The following PTPRD variants were observed in gnomAD, a reference collection of about 807,000 sequenced individuals.
PTPRD encodes the protein receptor-type tyrosine-protein phosphatase delta.
A neutral mutation model predicts 214.5 loss-of-function variants in PTPRD; 34 were observed. The observed-to-expected ratio is 0.16, with a 90% CI of 0.12 to 0.21. PTPRD has a LOEUF of 0.21. Ranked by LOEUF, PTPRD falls within the 10% of genes least tolerant of loss-of-function variation. The pLI, the probability that PTPRD is intolerant of heterozygous loss-of-function variation, is 1.00. For synonymous variants in PTPRD, 1,128 were observed against 845.7 expected (o/e 1.33, Z -5.79); for missense variants, 2,545 against 2,398.7 (o/e 1.06, Z -1.27).
chr9:9,842,031 T>C (rs1418987389), intron 5 of PTPRD, among the ~76,000 whole-genome samples: 2 of 152,048 alleles, frequency 1.3e-5, no homozygotes, highest in Non-Finnish European at 2.9e-5. Context: ...ATGTTTAATA[T>C]TGGGAAAAAT....
At chr9:9,738,360 G>A (rs2098337215) in intron 6 of PTPRD, among the ~76,000 whole-genome samples, 1 of 147,506 alleles carries the variant, frequency 6.8e-6, no homozygotes, top group Non-Finnish European at 1.5e-5. Flanking sequence ...TAATAATGTT[G>A]AACATTTTTT....
rs1038939315 is a variant in PTPRD at position 10,541,520 on chromosome 9, G to A, written c.-600+70878C>T. ...AGTTTATGCAGTGAGTGTATTTTCC[G>A]ATTCTTATCTCCTTATATATATTTA... On this transcript the variant is annotated intron_variant, in intron 2 of 45. Transcript: ENST00000381196. Among the ~76,000 whole-genome samples, 4 of 151,612 alleles carry A rather than the reference G, an allele frequency of 2.6e-5. No individual in the cohort carries two copies. In the South Asian group the frequency reaches 6.2e-4, roughly 24 times the overall value.
At chr9:8,888,875 T>A (rs996925133) in intron 11 of PTPRD, among the ~76,000 whole-genome samples, 18 of 152,228 alleles carry the variant, frequency 1.2e-4, no homozygotes, top group African/African-American at 4.3e-4. Context: ...CTTATTAACT[T>A]GAAGGCCCAG....
chr9:10,181,360 C>T (rs1312014548), intron 3 of PTPRD, among the ~76,000 whole-genome samples: 1 of 152,096 alleles, frequency 6.6e-6, no homozygotes, highest in Non-Finnish European at 1.5e-5. Flanking sequence ...TATCAGAAGA[C>T]ATAAAACTAC....
chr9:9,174,985 TA>T lies in PTPRD; in HGVS notation c.-143+8318del, dbSNP rs533011803. Reference sequence around the variant, plus strand: ...CTCAGGAATGGGATTAATATCATTATAAAAGAGTACCCAGAAAACTGATTTC... The same window carrying T: ...CTCAGGAATGGGATTAATATCATTATAAAGAGTACCCAGAAAACTGATTTC... On this transcript the variant is annotated intron_variant, in intron 10 of 45. Transcript: ENST00000381196. Among the ~76,000 whole-genome samples, 139 of 152,180 alleles carry T rather than the reference TA, an allele frequency of 9.1e-4. No homozygotes were observed. The Middle Eastern group carries it at 0.014, about 15-fold the overall frequency.
intron 3 of PTPRD, among the ~76,000 whole-genome samples, chr9:10,135,293 G>C (rs1382558430): frequency 6.6e-6 from 1 of 151,994 alleles, no homozygotes; most frequent in East Asian, 1.9e-4. Context: ...TAAGCAACTT[G>C]GAAACAGTAT....
chr9:9,297,575 A>G (rs1953563557), intron 9 of PTPRD, among the ~76,000 whole-genome samples: 1 of 151,754 alleles, frequency 6.6e-6, no homozygotes, highest in African/African-American at 2.4e-5. Context: ...TAGTTTCCAC[A>G]GAAATATATA....
intron 11 of PTPRD, among the ~76,000 whole-genome samples, chr9:8,934,431 ATATAAATATAT>A (rs2098976503): frequency 2.2e-5 from 1 of 46,300 alleles, no homozygotes; most frequent in Admixed American, 3.1e-4. Context: ...GTATATATAT[ATATAAATATAT>A]ATATAAATTT....
At chr9:9,383,771 T>G (rs1440161509) in intron 9 of PTPRD, among the ~76,000 whole-genome samples, 3 of 152,088 alleles carry the variant, frequency 2.0e-5, no homozygotes, top group African/African-American at 7.2e-5. Flanking sequence ...TATTTCTCCC[T>G]TACGCTAAAA....
chr9:9,637,951 C>T, intron 7 of PTPRD, among the ~76,000 whole-genome samples: 1 of 152,198 alleles, frequency 6.6e-6, no homozygotes, highest in East Asian at 1.9e-4. Flanking sequence ...ATGTGAACAT[C>T]ACCAAGGTTA....
In PTPRD at chr9:8,500,558, G is replaced by GAAAAAAAAAAAA. The variant is rs146807692; in HGVS notation, c.2128+184_2128+195dup. 3.9e-3 allele frequency among the ~76,000 whole-genome samples: 56 copies of GAAAAAAAAAAAA among 14,312 alleles called. 11 individuals are homozygous for GAAAAAAAAAAAA. Among genetic ancestry groups the GAAAAAAAAAAAA allele is most frequent in the Middle Eastern group, 0.25 (2 of 8 alleles). 9.4% of individuals were successfully genotyped at this position (14,312 alleles called of 152,430 possible). On this transcript the variant is annotated intron_variant, in intron 24 of 45. Coordinates refer to ENST00000381196, the MANE Select transcript of PTPRD (RefSeq NM_002839.4). Reference sequence around the variant, plus strand: ...TTACTGCATTGAGATTGAAAAAAATGAAAAAAAAAAAAAAAAAAAAAAAAA... The same window carrying GAAAAAAAAAAAA: ...TTACTGCATTGAGATTGAAAAAAATGAAAAAAAAAAAAAAAAAAAAAAAAAAAAAAAAAAAAA...
intron 10 of PTPRD, among the ~76,000 whole-genome samples, chr9:9,040,182 C>A (rs1342120836): frequency 6.6e-6 from 1 of 152,128 alleles, no homozygotes; most frequent in African/African-American, 2.4e-5. Context: ...TATGCTTTCA[C>A]TGATGTGGAA....
intron 7 of PTPRD, among the ~76,000 whole-genome samples, chr9:9,628,767 C>T (rs1037439303): frequency 2.6e-5 from 4 of 151,814 alleles, no homozygotes; most frequent in Non-Finnish European, 5.9e-5. Context: ...AATCTCAATA[C>T]TCTATGAAAT....
intron 3 of PTPRD, among the ~76,000 whole-genome samples, chr9:10,049,243 A>G (rs16930916): frequency 0.033 from 5,028 of 152,004 alleles, 134 homozygotes; most frequent in Admixed American, 0.093. Flanking sequence ...CAGCCTCCTC[A>G]TTTTTCCAGG....
chr9:9,306,817 T>C (rs1181714418), intron 9 of PTPRD, among the ~76,000 whole-genome samples: 1 of 152,142 alleles, frequency 6.6e-6, no homozygotes, highest in African/African-American at 2.4e-5. Context: ...AAGTATTCCA[T>C]TTTACTATTA....
In PTPRD at chr9:10,567,901, A is replaced by C. The variant is rs1253651157; in HGVS notation, c.-600+44497T>G. 2.0e-5 allele frequency among the ~76,000 whole-genome samples: 3 copies of C among 151,326 alleles called. No individual in the cohort carries two copies. In the East Asian group the frequency reaches 5.8e-4, roughly 29 times the overall value. ...TATGATTTTTGCATTTTTTTGTCTTAATAATATATCATTGTTTTATTTTTT... is the reference window on the plus strand; with the variant it reads ...TATGATTTTTGCATTTTTTTGTCTTCATAATATATCATTGTTTTATTTTTT... On this transcript the variant is annotated intron_variant, in intron 2 of 45. Coordinates refer to ENST00000381196, the MANE Select transcript of PTPRD (RefSeq NM_002839.4).
intron 11 of PTPRD, among the ~76,000 whole-genome samples, chr9:9,009,408 CTATTT>C (rs36233452): frequency 0.2 from 30,637 of 151,372 alleles, 3,341 homozygotes; most frequent in Admixed American, 0.31. Context: ...GCAGTTCTTT[CTATTT>C]TATTTTATTT....
At chr9:9,237,235 C>T (rs1218775182) in intron 9 of PTPRD, among the ~76,000 whole-genome samples, 1 of 152,128 alleles carries the variant, frequency 6.6e-6, no homozygotes, top group South Asian at 2.1e-4. Context: ...CCCTCAATAG[C>T]ATTCAGGCTG....
At position 10,606,757 on chromosome 9, in the gene PTPRD, C is replaced by T. The variant is rs546442128; in HGVS notation, c.-600+5641G>A. 1.2e-4 allele frequency among the ~76,000 whole-genome samples: 18 copies of T among 151,900 alleles called. No individual in the cohort carries two copies. The South Asian group carries it at 3.3e-3, about 28-fold the overall frequency. On this transcript the variant is annotated intron_variant, in intron 2 of 45. Transcript: ENST00000381196. ...GTAAAAAATGCATGTGAACACAATG[C>T]TTGCCTGGCTTTGTTCTCTGTTCGT...
Sources: gnomAD v4.1 joint callset for allele counts (sites outside exome capture counted in the v4.1 genomes callset) on GRCh38, gnomAD v4.1.1 for gene constraint, MANE v1.5 for transcripts, NCBI Gene and HGNC (gene_info 2026-07-23, HGNC 2026-07-21) for gene names.